The following TGM2 variants were observed in gnomAD, a reference collection of about 807,000 sequenced individuals.
The protein encoded by TGM2 is protein-glutamine gamma-glutamyltransferase 2.
A neutral mutation model predicts 75.6 loss-of-function variants in TGM2; 53 were observed. The ratio of observed to expected loss-of-function variants is 0.70; its 90% CI spans 0.56 to 0.88. TGM2 has a LOEUF of 0.88. Ranked by LOEUF, TGM2 falls within the 40% of genes least tolerant of loss-of-function variation. The pLI is 0.00. For missense variants in TGM2, 842 were observed against 928.5 expected (o/e 0.91, Z 1.21); for synonymous variants, 374 against 381.1 (o/e 0.98, Z 0.22).
At chr20:38,142,335 G>T in intron 6 of TGM2, 136 bp from the exon 7 acceptor site, 1 of 1,405,836 alleles carries the variant, frequency 7.1e-7, no homozygotes, top group Non-Finnish European at 9.7e-7. Context: ...AGCCCTTCCT[G>T]CCGGGACAAT....
Position 38,144,335 on chromosome 20 carries a change from T to G in TGM2, c.860-2136A>C, listed in dbSNP as rs546421126. 2.0e-5 allele frequency among the ~76,000 whole-genome samples: 3 copies of G among 152,348 alleles called. No individual in the cohort carries two copies. The South Asian group carries it at 6.2e-4, about 32-fold the overall frequency. On this transcript the variant is annotated intron_variant, in intron 6 of 12. Transcript: ENST00000361475. ...GCAGCTTGTGGGGATTTGTGGTGATTCAGAGAGAGGCCGCGGGTGTGGGCA... is the reference window on the plus strand; with the variant it reads ...GCAGCTTGTGGGGATTTGTGGTGATGCAGAGAGAGGCCGCGGGTGTGGGCA...
chr20:38,139,358 G>A (rs2074940280), intron 9 of TGM2, 54 bp downstream of exon 9: 1 of 1,613,208 alleles, frequency 6.2e-7, no homozygotes, highest in Non-Finnish European at 8.5e-7. Flanking sequence ...TGCCGGGCTG[G>A]GAAAACTGGA....
At chr20:38,161,630 C>T in intron 1 of TGM2, 31 bp from the exon 2 acceptor site, 6 of 1,613,846 alleles carry the variant, frequency 3.7e-6, no homozygotes, top group East Asian at 2.2e-5. Flanking sequence ...GCATGAGCCT[C>T]GGGGGCATCC....
intron 6 of TGM2, 62 bp downstream of exon 6, chr20:38,146,655 A>G (rs768989311): frequency 6.3e-7 from 1 of 1,592,202 alleles, no homozygotes; most frequent in Non-Finnish European, 8.6e-7. Context: ...CCTGATTCCT[A>G]CTCCAGTGCT....
In TGM2 at chr20:38,142,093, C is replaced by T. The variant is rs769264557; in HGVS notation, c.966G>A (p.Glu322=). Residue 322 remains glutamate, a synonymous_variant, in exon 7 of 13, where the codon GAG becomes GAA. Transcript: ENST00000361475. The part of the protein sequence containing the change: ...LIEYFRNEFG[E]IQGDKSEMIW... ...TCATCTCGCTCTTGTCACCCTGGAT[C>T]TCCCCAAACTCATTGCGGAAGTACT... The T allele has an allele frequency of 1.2e-6, 2 of 1,614,182 alleles. No homozygotes were observed. Among genetic ancestry groups the T allele is most frequent in the Non-Finnish European group, 1.7e-6 (2 of 1,180,042 alleles).
At chr20:38,154,981 C>T (rs45619432) in intron 3 of TGM2, among the ~76,000 whole-genome samples, 2 of 152,256 alleles carry the variant, frequency 1.3e-5, no homozygotes, top group Non-Finnish European at 2.9e-5. Flanking sequence ...TGGCACATGC[C>T]TGTAATCCCA....
chr20:38,148,050 CT>C lies in TGM2; in HGVS notation c.591del (p.Asp198MetfsTer7). The C allele has an allele frequency of 6.2e-7, 1 of 1,614,164 alleles. No individual in the cohort carries two copies. The highest frequency in any genetic ancestry group is 1.3e-5 in the African/African-American group (1 of 75,062). On this transcript the variant is annotated frameshift_variant, in exon 5 of 13. Coordinates refer to ENST00000361475, the MANE Select transcript of TGM2 (RefSeq NM_004613.4). LOFTEE classifies it high-confidence loss of function. ...TTCTTCAGGAACTTGGGGTTGACAT[CT>C]AGAAGGATCAGGCAGATGTCTAGGA... ...DGILDICLIL[L>X]DVNPKFLKNA...
chr20:38,148,201 TGGGA>T, intron 4 of TGM2, 112 bp from the exon 5 acceptor site: 1 of 1,429,142 alleles, frequency 7.0e-7, no homozygotes, highest in Admixed American at 1.7e-5. Context: ...CACAGCAGAC[TGGGA>T]CACTCCGGCC....
chr20:38,150,547 C>G (rs139473002), intron 4 of TGM2, among the ~76,000 whole-genome samples: 407 of 152,332 alleles, frequency 2.7e-3, no homozygotes, highest in Non-Finnish European at 4.2e-3. Context: ...AACCACTGAT[C>G]TGGGTGAGGG....
At position 38,162,002 on chromosome 20, in the gene TGM2, C is replaced by T. The variant is rs45518938; in HGVS notation, c.11-403G>A. Among the ~76,000 whole-genome samples, 777 of 152,194 alleles carry T rather than the reference C, an allele frequency of 5.1e-3. 11 individuals are homozygous for T. Among genetic ancestry groups the T allele is most frequent in the African/African-American group, 0.018 (737 of 41,504 alleles). Reference sequence around the variant, plus strand: ...CTATAGGTATGTGCCCAGCTAATTTCTTCATTTTTGGTTTTGCCATGTTGC... The same window carrying T: ...CTATAGGTATGTGCCCAGCTAATTTTTTCATTTTTGGTTTTGCCATGTTGC... On this transcript the variant is annotated intron_variant, in intron 1 of 12. Transcript: ENST00000361475.
Position 38,165,247 on chromosome 20 carries a change from G to C in TGM2, c.-49C>G. ...TTCCACTGGCGGCGAGACCCTCCAA[G>C]TGCGACCACTGGCGGCTGGCACTGC... On this transcript the variant is annotated 5_prime_UTR_variant, in exon 1 of 13. Coordinates refer to ENST00000361475, the MANE Select transcript of TGM2 (RefSeq NM_004613.4). 1 of 1,611,378 alleles carries C rather than the reference G, an allele frequency of 6.2e-7. No homozygotes were observed. Among genetic ancestry groups the C allele is most frequent in the Non-Finnish European group, 8.5e-7 (1 of 1,179,756 alleles).
chr20:38,161,528 G>A lies in TGM2; in HGVS notation c.82C>T (p.Arg28Trp), dbSNP rs765653474. The A allele has an allele frequency of 1.3e-5, 21 of 1,614,150 alleles. 1 individual carries two copies. The highest frequency in any genetic ancestry group is 8.8e-5 in the South Asian group (8 of 91,080). ...CCCCGTCGCACCACCAGCTTCTCCCGGCACAGGTCGGCCGTGTGGTGGTCT... is the reference window on the plus strand; with the variant it reads ...CCCCGTCGCACCACCAGCTTCTCCCAGCACAGGTCGGCCGTGTGGTGGTCT... ...GRDHHTADLC[R>W]EKLVVRRGQP... The change falls in exon 2 of 13, where the codon CGG becomes TGG. Residue 28 changes from arginine (R) to tryptophan (W), a missense_variant. By Grantham distance (101) the Arg-to-Trp change is moderately radical (BLOSUM62 -3). Transcript: ENST00000361475.
At chr20:38,157,011 A>C (rs2075196367) in intron 2 of TGM2, among the ~76,000 whole-genome samples, 1 of 152,162 alleles carries the variant, frequency 6.6e-6, no homozygotes, top group African/African-American at 2.4e-5. Flanking sequence ...GCCCGCCCCC[A>C]CAGGCAGGTC....
At chr20:38,167,757 T>C (rs760999), upstream of TGM2, among the ~76,000 whole-genome samples, 138,611 of 152,236 alleles carry the variant, frequency 0.91, 63,393 homozygotes, top group East Asian at 0.96. Flanking sequence ...CAGCACCAGC[T>C]CCATTCTGAA....
At chr20:38,157,787 G>A (rs1297089770) in intron 2 of TGM2, among the ~76,000 whole-genome samples, 1 of 152,218 alleles carries the variant, frequency 6.6e-6, no homozygotes, top group African/African-American at 2.4e-5. Flanking sequence ...TTCCGTGAGA[G>A]AGTTCATAGA....
In TGM2 at chr20:38,128,014, C is replaced by T. The variant is rs1033640288; in HGVS notation, c.*2205G>A. 6 of 152,164 alleles carry T rather than the reference C, an allele frequency of 3.9e-5. No individual in the cohort carries two copies. Among genetic ancestry groups the T allele is most frequent in the African/African-American group, 1.2e-4 (5 of 41,436 alleles). The allele number at this position is 152,164 out of a possible 1,614,324, so 9.4% of individuals were successfully genotyped here. On this transcript the variant is annotated 3_prime_UTR_variant, in exon 13 of 13. Coordinates refer to ENST00000361475, the MANE Select transcript of TGM2 (RefSeq NM_004613.4). ...ATGGAGAAGGGGACAGATAGGCCAA[C>T]GTGGAAGTAAAATTTACTGTGATAA...
chr20:38,146,771 A>C lies in TGM2; in HGVS notation c.805T>G (p.Cys269Gly). 6.2e-7 allele frequency: 1 copy of C among 1,613,792 alleles called. No individual in the cohort carries two copies. Among genetic ancestry groups the C allele is most frequent in the Non-Finnish European group, 8.5e-7 (1 of 1,179,928 alleles). ...CACTGGCCATACTTGACGCGCTGGC[A>C]GCCGTGGTTCTTCCAGCGCCGCAGG... ...DILRRWKNHG[C>G]QRVKYGQCWV... Residue 269 changes from cysteine to glycine, a missense_variant, in exon 6 of 13, where the codon TGC (cysteine) becomes GGC (glycine). Cys to Gly is a radical substitution (Grantham distance 159, BLOSUM62 -3). Coordinates refer to ENST00000361475, the MANE Select transcript of TGM2 (RefSeq NM_004613.4).
intron 3 of TGM2, among the ~76,000 whole-genome samples, chr20:38,154,075 C>G (rs1247802940): frequency 1.3e-5 from 2 of 152,160 alleles, no homozygotes; most frequent in East Asian, 3.9e-4. Context: ...GCCTCAGCCT[C>G]TCAAAGTGCC....
chr20:38,164,015 C>G (rs1038008627), intron 1 of TGM2, among the ~76,000 whole-genome samples: 1 of 152,188 alleles, frequency 6.6e-6, no homozygotes, highest in African/African-American at 2.4e-5. Flanking sequence ...CCTTCTAGGC[C>G]AGTGAGACCT....
Sources: gnomAD v4.1 joint callset for allele counts (sites outside exome capture counted in the v4.1 genomes callset) on GRCh38, gnomAD v4.1.1 for gene constraint, MANE v1.5 for transcripts, NCBI Gene and HGNC (gene_info 2026-07-23, HGNC 2026-07-21) for gene names.